The following ABCA13 variants were observed in gnomAD, a reference collection of about 807,000 sequenced individuals.
ABCA13 encodes ATP binding cassette subfamily A member 13.
In ABCA13, 476 loss-of-function variants were observed where a neutral mutation model predicts 478.7. The ratio of observed to expected loss-of-function variants is 0.99; its 90% CI spans 0.92 to 1.07. The LOEUF is 1.07. Ranked by LOEUF, ABCA13 falls within the 50% of genes least tolerant of loss-of-function variation. The pLI is 0.00. For missense variants in ABCA13, 6,060 were observed against 5,910.6 expected (o/e 1.03, Z -0.83); for synonymous variants, 2,252 against 2,158.9 (o/e 1.04, Z -1.20).
At chr7:48,249,533 C>A (rs1477756759) in intron 15 of ABCA13, among the ~76,000 whole-genome samples, 182 bp downstream of exon 15, 1 of 152,124 alleles carries the variant, frequency 6.6e-6, no homozygotes. Context: ...ACAAGACTTA[C>A]CAGAAGTCCT....
At chr7:48,615,655 G>A (rs1182203610) in intron 59 of ABCA13, among the ~76,000 whole-genome samples, 1 of 152,170 alleles carries the variant, frequency 6.6e-6, no homozygotes, top group Non-Finnish European at 1.5e-5. Flanking sequence ...TGGTAGGGGT[G>A]AGAATAAGAT....
intron 31 of ABCA13, among the ~76,000 whole-genome samples, chr7:48,356,957 T>C (rs764025150): frequency 5.9e-5 from 9 of 152,026 alleles, no homozygotes; most frequent in Non-Finnish European, 1.3e-4. Flanking sequence ...GAATATTTAT[T>C]TGAAAGGTCA....
intron 36 of ABCA13, among the ~76,000 whole-genome samples, chr7:48,388,584 G>A (rs17132286): frequency 0.24 from 37,067 of 152,098 alleles, 5,095 homozygotes; most frequent in African/African-American, 0.38. Flanking sequence ...AGCTCCCATC[G>A]TGGTGGGTTT....
At chr7:48,332,312 T>C (rs1357752647) in intron 27 of ABCA13, among the ~76,000 whole-genome samples, 2 of 152,210 alleles carry the variant, frequency 1.3e-5, no homozygotes, top group African/African-American at 4.8e-5. Context: ...TTTGAGTGTA[T>C]CTTTTTGCAT....
At position 48,408,635 on chromosome 7, in the gene ABCA13, C is replaced by T. The variant is rs551954511; in HGVS notation, c.12071-1885C>T. Among the ~76,000 whole-genome samples, 431 of 151,976 alleles carry T rather than the reference C, an allele frequency of 2.8e-3. 1 individual carries two copies. Among genetic ancestry groups the T allele is most frequent in the Non-Finnish European group, 5.2e-3 (355 of 67,950 alleles). On this transcript the variant is annotated intron_variant, in intron 39 of 61. Coordinates refer to ENST00000435803, the MANE Select transcript of ABCA13 (RefSeq NM_152701.5). ...GTCTCCTCTATTATTGTTATTTTTT[C>T]TACTTGCATTTTGTTTTTAATTGAC...
chr7:48,430,842 T>C (rs1199930573), intron 42 of ABCA13, among the ~76,000 whole-genome samples: 1 of 152,192 alleles, frequency 6.6e-6, no homozygotes, highest in South Asian at 2.1e-4. Flanking sequence ...TTCAATTTCA[T>C]GAAATTCAGC....
chr7:48,481,232 T>C, intron 46 of ABCA13, 78 bp downstream of exon 46: 1 of 1,224,914 alleles, frequency 8.2e-7, no homozygotes, highest in South Asian at 1.4e-5. Flanking sequence ...GCTAATGTTC[T>C]TAAAAAGTCA....
chr7:48,293,581 G>A (rs975557834), intron 20 of ABCA13, among the ~76,000 whole-genome samples: 2 of 152,208 alleles, frequency 1.3e-5, no homozygotes, highest in African/African-American at 4.8e-5. Flanking sequence ...TGGTAGAATA[G>A]CTGTGACTAG....
intron 41 of ABCA13, among the ~76,000 whole-genome samples, chr7:48,424,527 T>A (rs1041704056): frequency 9.2e-5 from 14 of 152,238 alleles, no homozygotes; most frequent in African/African-American, 3.1e-4. Flanking sequence ...TTTGAGGACC[T>A]GCTGTATGTC....
At position 48,520,124 on chromosome 7, in the gene ABCA13, C is replaced by G. The variant is rs779214725; in HGVS notation, c.13881C>G (p.Leu4627=). The change falls in exon 53 of 62, where the codon CTC becomes CTG. Residue 4627 remains leucine, a synonymous_variant. Transcript: ENST00000435803. The part of the protein sequence containing the change: ...QFCLGQGLVE[L]CYNQIKYDLT... The stretch of plus-strand genomic sequence containing the variant: ...GTCTTGGTCAAGGACTGGTAGAACT[C>G]TGCTATAATCAGATCAAATATGACC... The G allele has an allele frequency of 4.3e-6, 7 of 1,613,636 alleles. No individual in the cohort carries two copies. The African/African-American group carries it at 9.3e-5, about 22-fold the overall frequency.
rs577509488 is a variant in ABCA13, at chr7:48,193,498, A to G, written c.163+446A>G. Among the ~76,000 whole-genome samples, 4 of 152,048 alleles carry G rather than the reference A, an allele frequency of 2.6e-5. No homozygotes were observed. In the East Asian group the frequency reaches 7.7e-4, roughly 29 times the overall value. ...GATGATGGAGATGATGGTGATGATGATGACAGAAATGATAATGATGGTGAT... is the reference window on the plus strand; with the variant it reads ...GATGATGGAGATGATGGTGATGATGGTGACAGAAATGATAATGATGGTGAT... On this transcript the variant is annotated intron_variant, in intron 2 of 61. Coordinates refer to ENST00000435803, the MANE Select transcript of ABCA13 (RefSeq NM_152701.5).
chr7:48,596,790 TC>T (rs1228039892), intron 58 of ABCA13, among the ~76,000 whole-genome samples: 1 of 151,466 alleles, frequency 6.6e-6, no homozygotes, highest in Admixed American at 6.6e-5. Flanking sequence ...AGAGCAAGAC[TC>T]CGTCTCAAAA....
chr7:48,196,670 G>T (rs948393488), intron 2 of ABCA13, among the ~76,000 whole-genome samples: 2 of 152,100 alleles, frequency 1.3e-5, no homozygotes, highest in Non-Finnish European at 2.9e-5. Flanking sequence ...TTTAATCTTG[G>T]AGACAAAGTG....
chr7:48,424,116 A>G (rs1352831737), intron 41 of ABCA13, among the ~76,000 whole-genome samples: 2 of 152,232 alleles, frequency 1.3e-5, no homozygotes, highest in African/African-American at 2.4e-5. Flanking sequence ...CTTAAATTGG[A>G]AAGTGTAGCC....
intron 55 of ABCA13, among the ~76,000 whole-genome samples, chr7:48,528,616 A>G (rs1455877171): frequency 6.6e-6 from 1 of 152,130 alleles, no homozygotes; most frequent in African/African-American, 2.4e-5. Context: ...GTGGATTGGA[A>G]GTGCCCAGCT....
chr7:48,594,322 AT>A (rs201107268), intron 57 of ABCA13, among the ~76,000 whole-genome samples: 6 of 151,578 alleles, frequency 4.0e-5, no homozygotes, highest in African/African-American at 9.7e-5. Context: ...AAGTTCACAG[AT>A]TTTTTTTATC....
In ABCA13 at chr7:48,245,811, G is replaced by A. The variant is rs188576294; in HGVS notation, c.1492-52G>A. ...TGCAGTTCTTGAGCCCATGAAGAGG[G>A]TATCTAAGCCTCTTTAAATGTTACT... On this transcript the variant is annotated intron_variant, in intron 12 of 61. Transcript: ENST00000435803. 2.6e-3 allele frequency: 3,929 copies of A among 1,524,708 alleles called. 5 individuals carry two copies. Among genetic ancestry groups the A allele is most frequent in the Non-Finnish European group, 3.3e-3 (3,769 of 1,128,832 alleles). The allele number at this position is 1,524,708 out of a possible 1,614,324, so 94.4% of individuals were successfully genotyped here.
intron 31 of ABCA13, among the ~76,000 whole-genome samples, chr7:48,354,373 A>G (rs1229719517): frequency 6.6e-6 from 1 of 152,034 alleles, no homozygotes; most frequent in African/African-American, 2.4e-5. Context: ...AGAACAGCAT[A>G]CACTCCTACA....
chr7:48,530,328 A>C (rs1833142092), intron 55 of ABCA13, among the ~76,000 whole-genome samples: 1 of 151,742 alleles, frequency 6.6e-6, no homozygotes, highest in Admixed American at 6.6e-5. Flanking sequence ...ATATATATAC[A>C]CATATACATA....
Sources: gnomAD v4.1 joint callset for allele counts (sites outside exome capture counted in the v4.1 genomes callset) on GRCh38, gnomAD v4.1.1 for gene constraint, MANE v1.5 for transcripts, NCBI Gene and HGNC (gene_info 2026-07-23, HGNC 2026-07-21) for gene names.